IPCEF1: variants seen among roughly 807,000 people sequenced by gnomAD.
The protein encoded by IPCEF1 is interactor protein for cytohesin exchange factors 1.
Under a neutral mutation model 50.9 loss-of-function variants are expected in IPCEF1, and 31 were observed. That is an observed-to-expected ratio of 0.61 (90% CI 0.46 to 0.82). The LOEUF (loss-of-function observed/expected upper bound fraction) is 0.82. IPCEF1 is among the 40% of genes least tolerant of loss of function. The pLI is 0.00. For missense variants in IPCEF1, 458 were observed against 514.0 expected, an observed-to-expected ratio of 0.89 and a Z score of 1.05; for synonymous variants, 181 against 192.0, an observed-to-expected ratio of 0.94 and a Z score of 0.47.
chr6:154,220,641 A>AAAAT (rs1447184119), intron 7 of IPCEF1, among the ~76,000 whole-genome samples: 20 of 152,136 alleles, frequency 1.3e-4, no homozygotes, highest in East Asian at 3.9e-4. Context: ...GACTGTCTCA[A>AAAAT]AAATAAATAA....
At chr6:154,288,682 A>AAAAAAAAAAAAAAAAAAAAAAC (rs1782434021) in intron 2 of IPCEF1, among the ~76,000 whole-genome samples, 1 of 48,400 alleles carries the variant, frequency 2.1e-5, no homozygotes, top group East Asian at 5.4e-4. Flanking sequence ...AAAACAAAAA[A>AAAAAAAAAAAAAAAAAAAAAAC]AAAAAAAAAA....
chr6:154,337,905 T>C (rs1480315798), intron 1 of IPCEF1, among the ~76,000 whole-genome samples: 1 of 152,000 alleles, frequency 6.6e-6, no homozygotes, highest in Admixed American at 6.6e-5. Context: ...AAAGTCACTT[T>C]GGACCATGGT....
At chr6:154,234,266 G>A (rs545681187) in intron 5 of IPCEF1, among the ~76,000 whole-genome samples, 17 of 152,182 alleles carry the variant, frequency 1.1e-4, no homozygotes, top group Non-Finnish European at 1.5e-4. Flanking sequence ...AAAACTCTGC[G>A]GTACATGTTT....
At chr6:154,223,432 T>A (rs1320998788) in intron 5 of IPCEF1, among the ~76,000 whole-genome samples, 189 bp from the exon 6 acceptor site, 1 of 152,148 alleles carries the variant, frequency 6.6e-6, no homozygotes, top group Non-Finnish European at 1.5e-5. Context: ...GTTCTCCTGA[T>A]AAGTCACCCA....
intron 9 of IPCEF1, among the ~76,000 whole-genome samples, chr6:154,203,307 G>A (rs1469422918): frequency 6.6e-6 from 1 of 152,232 alleles, no homozygotes; most frequent in East Asian, 1.9e-4. Context: ...TGATAGTCTC[G>A]GGGCCAGGTA....
chr6:154,282,845 C>T (rs895286141), intron 2 of IPCEF1, among the ~76,000 whole-genome samples: 4 of 152,078 alleles, frequency 2.6e-5, no homozygotes, highest in Admixed American at 6.5e-5. Context: ...CAGCCATGAA[C>T]GCTCTGCAAA....
At chr6:154,321,778 T>TAAAAAAAAAAAAAAAA (rs61648946) in intron 1 of IPCEF1, among the ~76,000 whole-genome samples, 4 of 51,936 alleles carry the variant, frequency 7.7e-5, no homozygotes, top group African/African-American at 1.1e-4. Flanking sequence ...AGACTCTTTC[T>TAAAAAAAAAAAAAAAA]AAAAAAAAAA....
chr6:154,248,746 A>T (rs1022592044), intron 3 of IPCEF1, among the ~76,000 whole-genome samples: 1 of 152,150 alleles, frequency 6.6e-6, no homozygotes, highest in Non-Finnish European at 1.5e-5. Flanking sequence ...TTCTTCATTT[A>T]TAAAATGAAG....
chr6:154,195,121 C>G (rs1776484588), intron 10 of IPCEF1, among the ~76,000 whole-genome samples: 1 of 151,044 alleles, frequency 6.6e-6, no homozygotes. Flanking sequence ...CTGCACTCTA[C>G]AGCTAAAATA....
chr6:154,233,936 C>T (rs1173163592), intron 5 of IPCEF1, among the ~76,000 whole-genome samples: 1 of 152,168 alleles, frequency 6.6e-6, no homozygotes, highest in African/African-American at 2.4e-5. Flanking sequence ...AGGCCGGACG[C>T]CGTGGCTCAC....
At chr6:154,316,426 C>T (rs954394248) in intron 1 of IPCEF1, among the ~76,000 whole-genome samples, 2 of 152,046 alleles carry the variant, frequency 1.3e-5, no homozygotes, top group African/African-American at 2.4e-5. Flanking sequence ...ACAAGGTATA[C>T]TATTCTGTAT....
intron 5 of IPCEF1, among the ~76,000 whole-genome samples, chr6:154,233,211 T>C (rs1055141853): frequency 2.0e-5 from 3 of 152,184 alleles, no homozygotes; most frequent in Non-Finnish European, 4.4e-5. Flanking sequence ...TCAAGTGATC[T>C]GCCCGCCTCA....
rs148781349 is a variant in IPCEF1, at chr6:154,250,518, A to C, written c.37-3030T>G. ...TCATTGAAGAAGTGTATTTTTCTTTAACTTTTTAAAAGATGGTTCAAAAAC... is the reference window on the plus strand; with the variant it reads ...TCATTGAAGAAGTGTATTTTTCTTTCACTTTTTAAAAGATGGTTCAAAAAC... On this transcript the variant is annotated intron_variant, in intron 3 of 11. Transcript: ENST00000367220. Among the ~76,000 whole-genome samples the C allele has an allele frequency of 2.8e-3, 433 of 152,310 alleles. 2 individuals are homozygous for C. Among genetic ancestry groups the C allele is most frequent in the African/African-American group, 0.01 (423 of 41,564 alleles).
At chr6:154,180,414 A>ATATTT (rs1241250621) in intron 10 of IPCEF1, among the ~76,000 whole-genome samples, 108 of 65,244 alleles carry the variant, frequency 1.7e-3, no homozygotes, top group African/African-American at 4.7e-3. Context: ...ATATATATAT[A>ATATTT]TTTTTTTTTT....
intron 10 of IPCEF1, among the ~76,000 whole-genome samples, chr6:154,195,063 G>A (rs1350619977): frequency 2.0e-5 from 3 of 151,870 alleles, no homozygotes; most frequent in Non-Finnish European, 4.4e-5. Flanking sequence ...CTGTTATGCA[G>A]GCTCCCTAAA....
intron 10 of IPCEF1, among the ~76,000 whole-genome samples, chr6:154,171,052 T>C (rs1562521886): frequency 1.3e-5 from 2 of 152,138 alleles, no homozygotes; most frequent in South Asian, 4.1e-4. Context: ...GTTGCCACTT[T>C]AGAAAATAGT....
intron 3 of IPCEF1, among the ~76,000 whole-genome samples, chr6:154,254,509 A>G (rs1781414316): frequency 6.6e-6 from 1 of 152,206 alleles, no homozygotes; most frequent in South Asian, 2.1e-4. Context: ...CCATGATCCA[A>G]TCACCTCCCA....
At chr6:154,299,625 G>A (rs1209540013) in intron 1 of IPCEF1, among the ~76,000 whole-genome samples, 3 of 140,360 alleles carry the variant, frequency 2.1e-5, no homozygotes, top group East Asian at 2.0e-4. Flanking sequence ...TGAGAACATC[G>A]GGAAAAACAG....
At chr6:154,248,062 C>T (rs1209654609) in intron 3 of IPCEF1, among the ~76,000 whole-genome samples, 2 of 152,134 alleles carry the variant, frequency 1.3e-5, no homozygotes, top group African/African-American at 4.8e-5. Context: ...AATCAACCCT[C>T]CTTATCAGGA....
Sources: allele counts gnomAD v4.1 joint callset (sites outside exome capture counted in the v4.1 genomes callset), GRCh38; gene constraint gnomAD v4.1.1; transcripts MANE v1.5; gene names NCBI Gene and HGNC (gene_info 2026-07-23, HGNC 2026-07-21).